HCFC2: variants seen among roughly 807,000 people sequenced by gnomAD.
The protein encoded by HCFC2 is host cell factor 2.
A neutral mutation model predicts 89.2 loss-of-function variants in HCFC2; 18 were observed. That is an observed-to-expected ratio of 0.20 (90% CI 0.14 to 0.30). HCFC2 has a LOEUF of 0.30. HCFC2 is among the 10% of genes least tolerant of loss of function. The pLI is 1.00. For missense variants in HCFC2, 578 were observed against 956.1 expected (o/e 0.60, Z 5.21); for synonymous variants, 308 against 335.7 (o/e 0.92, Z 0.90).
rs924065593 is a variant in HCFC2 at position 104,098,369 on chromosome 12, C to T, written c.1767C>T (p.Ala589=). 4.4e-6 allele frequency: 7 copies of T among 1,607,084 alleles called. No homozygotes were observed. The Admixed American group carries it at 1.2e-4, about 27-fold the overall frequency. The change falls in exon 13 of 15, where the codon GCC becomes GCT. Residue 589 remains alanine (A), a synonymous_variant. Transcript: ENST00000229330. ...FSKETPSNPV[A]TVKAGERQWC... is the part of the protein sequence containing the mutation. The stretch of plus-strand genomic sequence containing the variant: ...AAGAGACTCCTTCAAATCCAGTGGC[C>T]ACAGTGAAAGCGGGAGAACGACAAT...
In HCFC2 at chr12:104,103,500, C is replaced by G; in HGVS notation, c.*227C>G. The G allele has an allele frequency of 2.2e-6, 1 of 462,800 alleles. No individual in the cohort carries two copies. Among genetic ancestry groups the G allele is most frequent in the Non-Finnish European group, 3.8e-6 (1 of 262,098 alleles). The allele number at this position is 462,800 out of a possible 1,614,324, so 28.7% of individuals were successfully genotyped here. ...TGAGTTCTTCCTTACAGATATAGCT[C>G]TTTTATAAAGAAAAACAGTGAAATT... is the stretch of plus-strand genomic sequence containing the variant. On this transcript the variant is annotated 3_prime_UTR_variant, in exon 15 of 15. Transcript: ENST00000229330.
chr12:104,092,816 A>G (rs1191406440), intron 9 of HCFC2, among the ~76,000 whole-genome samples: 1 of 152,132 alleles, frequency 6.6e-6, no homozygotes, highest in Non-Finnish European at 1.5e-5. Context: ...AAAAAGTGTG[A>G]ATGTGTTTAT....
chr12:104,090,417 G>A (rs900381990), intron 9 of HCFC2, among the ~76,000 whole-genome samples: 2 of 151,948 alleles, frequency 1.3e-5, no homozygotes, highest in East Asian at 3.9e-4. Context: ...TCTTCATTTG[G>A]TGTGCCTCAC....
At chr12:104,076,268 A>G (rs1304982548) in intron 3 of HCFC2, among the ~76,000 whole-genome samples, 1 of 152,250 alleles carries the variant, frequency 6.6e-6, no homozygotes, top group African/African-American at 2.4e-5. Flanking sequence ...GGCATGTGCC[A>G]TTGCACCTGG....
chr12:104,069,715 G>T (rs766514462), intron 3 of HCFC2, among the ~76,000 whole-genome samples: 57 of 151,504 alleles, frequency 3.8e-4, no homozygotes, highest in Non-Finnish European at 6.5e-4. Flanking sequence ...AAGTTCTGGA[G>T]TGCATGTGCA....
At chr12:104,090,474 G>T (rs781567055) in intron 9 of HCFC2, among the ~76,000 whole-genome samples, 8 of 151,500 alleles carry the variant, frequency 5.3e-5, no homozygotes, top group Non-Finnish European at 8.8e-5. Flanking sequence ...CATTACTGAT[G>T]ATTTCTTCCC....
Position 104,105,293 on chromosome 12 carries a change from C to T in HCFC2, c.*2020C>T, listed in dbSNP as rs983471941. The T allele has an allele frequency of 8.5e-5, 13 of 152,120 alleles. 3 individuals carry two copies. Among genetic ancestry groups the T allele is most frequent in the Admixed American group, 6.5e-5 (1 of 15,282 alleles). 9.4% of individuals were successfully genotyped at this position (152,120 alleles called of 1,614,324 possible). ...TAATAGAAAAAGTTTGGCTTTTAAC[C>T]CTTTCTTCTCTGCATTAATTAACAA... On this transcript the variant is annotated 3_prime_UTR_variant, in exon 15 of 15. Coordinates refer to ENST00000229330, the MANE Select transcript of HCFC2 (RefSeq NM_013320.3).
chr12:104,079,680 G>T, intron 4 of HCFC2, 27 bp downstream of exon 4: 2 of 1,526,584 alleles, frequency 1.3e-6, no homozygotes, highest in Non-Finnish European at 1.8e-6. Context: ...TCAGGCTCAG[G>T]AATAGGGCAA....
Position 104,104,084 on chromosome 12 carries a change from C to T in HCFC2, c.*811C>T, listed in dbSNP as rs749229722. On this transcript the variant is annotated 3_prime_UTR_variant, in exon 15 of 15. Transcript: ENST00000229330. ...AGTAGAAGTGAAGTATGTCCCTGAA[C>T]ATTTTCATCTGTCTTAATGGCTCTA... The T allele has an allele frequency of 6.6e-6, 1 of 152,088 alleles. No individual in the cohort carries two copies. Among genetic ancestry groups the T allele is most frequent in the East Asian group, 1.9e-4 (1 of 5,184 alleles). The allele number at this position is 152,088 out of a possible 1,614,324, so 9.4% of individuals were successfully genotyped here. A position where few individuals can be genotyped will look rare whatever the true frequency, so the allele number is the denominator to read the frequency against.
At chr12:104,073,902 C>T (rs990176146) in intron 3 of HCFC2, among the ~76,000 whole-genome samples, 4 of 152,122 alleles carry the variant, frequency 2.6e-5, no homozygotes, top group African/African-American at 9.7e-5. Context: ...ACACAGCCAT[C>T]CCCATTCATT....
At chr12:104,087,466 CATAT>C (rs10548496) in intron 8 of HCFC2, among the ~76,000 whole-genome samples, 100,764 of 139,158 alleles carry the variant, frequency 0.72, 36,811 homozygotes, top group Middle Eastern at 0.8. Flanking sequence ...TATATATATA[CATAT>C]ATATATATAT....
At chr12:104,073,110 C>A (rs117837007) in intron 3 of HCFC2, among the ~76,000 whole-genome samples, 1 of 148,250 alleles carries the variant, frequency 6.7e-6, no homozygotes, top group Non-Finnish European at 1.5e-5. Flanking sequence ...CTTAGGAGTT[C>A]TTTACATATA....
At position 104,066,512 on chromosome 12, in the gene HCFC2, T is replaced by A. The variant is rs192771279; in HGVS notation, c.312+197T>A. ...TCACATTTTATAGCTTTATAGAAAA[T>A]GTTTCCACTTCACTTAAAACCCAAA... On this transcript the variant is annotated intron_variant, in intron 2 of 14. Coordinates refer to ENST00000229330, the MANE Select transcript of HCFC2 (RefSeq NM_013320.3). Among the ~76,000 whole-genome samples the A allele has an allele frequency of 4.6e-3, 702 of 152,366 alleles. 19 individuals are homozygous for A. Among genetic ancestry groups the A allele is most frequent in the Non-Finnish European group, 8.5e-4 (58 of 68,032 alleles).
At position 104,102,844 on chromosome 12, in the gene HCFC2, T is replaced by C. The variant is rs114725522; in HGVS notation, c.2065-115T>C. The C allele has an allele frequency of 4.2e-3, 3,556 of 837,734 alleles. 80 individuals carry two copies. The African/African-American group carries it at 0.052, about 12-fold the overall frequency. The allele number at this position is 837,734 out of a possible 1,614,324, so 51.9% of individuals were successfully genotyped here. A position where few individuals can be genotyped will look rare whatever the true frequency, so the allele number is the denominator to read the frequency against. ...CAACAATAAAAGATGTAACATCTAA[T>C]GCAATTATTTTAGTAAAAATGAACA... On this transcript the variant is annotated intron_variant, in intron 14 of 14. Transcript: ENST00000229330.
In HCFC2 at chr12:104,064,970, G is replaced by A. The variant is rs760260429; in HGVS notation, c.163+247G>A. ...GGGGCGCACCGGCCTTCAGGCGGGG[G>A]ATCCCGGACGCCCCCACCCCAGCCC... On this transcript the variant is annotated intron_variant, in intron 1 of 14. Coordinates refer to ENST00000229330, the MANE Select transcript of HCFC2 (RefSeq NM_013320.3). This position sits in a 1 kb window ranked among gnomAD's most constrained non-coding sequence, Gnocchi z 7.3. The A allele has an allele frequency of 5.3e-6, 2 of 380,010 alleles. No individual in the cohort carries two copies. The highest frequency in any genetic ancestry group is 8.5e-5 in the East Asian group (2 of 23,432). 23.5% of individuals were successfully genotyped at this position (380,010 alleles called of 1,614,324 possible).
At chr12:104,080,051 T>TA (rs972718458) in intron 4 of HCFC2, among the ~76,000 whole-genome samples, 1 of 152,180 alleles carries the variant, frequency 6.6e-6, no homozygotes, top group Non-Finnish European at 1.5e-5. Context: ...TCGTGGTCAG[T>TA]AAAAAACCCT....
At chr12:104,087,466 CATATAT>C (rs10548496) in intron 8 of HCFC2, among the ~76,000 whole-genome samples, 13,128 of 139,346 alleles carry the variant, frequency 0.094, 833 homozygotes, top group Admixed American at 0.17. Context: ...TATATATATA[CATATAT>C]ATATATATAT....
chr12:104,093,256 A>C (rs566387151), intron 9 of HCFC2, 130 bp from the exon 10 acceptor site: 1 of 565,594 alleles, frequency 1.8e-6, no homozygotes, highest in African/African-American at 1.9e-5. Flanking sequence ...AGAAATTAAT[A>C]ATGTAATTTT....
Position 104,103,298 on chromosome 12 carries a change from G to C in HCFC2, c.*25G>C, listed in dbSNP as rs764203945. ...AATTGGTTTTTTTACTGAAGCTATT[G>C]TGATGATGATTATTTATTAGTAACT... On this transcript the variant is annotated 3_prime_UTR_variant, in exon 15 of 15. Transcript: ENST00000229330. The C allele has an allele frequency of 6.4e-7, 1 of 1,553,684 alleles. No homozygotes were observed.
Sources: allele counts gnomAD v4.1 joint callset (sites outside exome capture counted in the v4.1 genomes callset), GRCh38; gene constraint gnomAD v4.1.1; non-coding constraint Gnocchi (gnomAD v3.1); transcripts MANE v1.5; gene names NCBI Gene and HGNC (gene_info 2026-07-23, HGNC 2026-07-21).